The following SLC5A6 variants were observed in gnomAD, a reference collection of about 807,000 sequenced individuals.
SLC5A6 encodes the protein sodium-dependent multivitamin transporter.
In SLC5A6, 31 loss-of-function variants were observed where a neutral mutation model predicts 67.9. The observed-to-expected ratio is 0.46, with a 90% CI of 0.34 to 0.62. The LOEUF (loss-of-function observed/expected upper bound fraction) is 0.62, where lower values mean the gene tolerates loss of function less well. SLC5A6 is among the 20% of genes least tolerant of loss of function. SLC5A6 has a pLI of 0.01. For synonymous variants in SLC5A6, 343 were observed against 331.0 expected, an observed-to-expected ratio of 1.04 and a Z score of -0.39; for missense variants, 673 against 812.8, an observed-to-expected ratio of 0.83 and a Z score of 2.09.
rs1674043101 is a variant in SLC5A6, at chr2:27,206,100, G to C, written c.512-7C>G. The C allele has an allele frequency of 8.1e-6, 13 of 1,614,002 alleles. No individual in the cohort carries two copies. The highest frequency in any genetic ancestry group is 1.1e-5 in the Non-Finnish European group (13 of 1,179,854). ...CACAGATCAAAGCCAGTCACTGTAA[G>C]CATAGAAGCCACATTCTTATCCCTG... On this transcript the variant is annotated splice_polypyrimidine_tract_variant and splice_region_variant and intron_variant, in intron 5 of 16. Transcript: ENST00000310574.
In SLC5A6 at chr2:27,212,251, C is replaced by T. The variant is rs746726954; in HGVS notation, c.-439G>A. 2 of 1,560,748 alleles carry T rather than the reference C, an allele frequency of 1.3e-6. No individual in the cohort carries two copies. The highest frequency in any genetic ancestry group is 4.7e-5 in the East Asian group (2 of 42,672). Reference sequence around the variant, plus strand: ...ACGAGCAGGAAAAGCCCCCAAGCAGCCCCAGGGCGACTGGACCGGGCCGCT... The same window carrying T: ...ACGAGCAGGAAAAGCCCCCAAGCAGTCCCAGGGCGACTGGACCGGGCCGCT... On this transcript the variant is annotated 5_prime_UTR_variant, in exon 1 of 17. Transcript: ENST00000310574.
At chr2:27,212,393 C>T (rs185160026), upstream of SLC5A6, 16 of 1,551,070 alleles carry the variant, frequency 1.0e-5, no homozygotes, top group African/African-American at 1.8e-4. Flanking sequence ...CCCGGGTAGT[C>T]TTACGACCCT....
chr2:27,211,920 G>A (rs1254954363), intron 1 of SLC5A6, 100 bp downstream of exon 1: 7 of 410,472 alleles, frequency 1.7e-5, no homozygotes, highest in Admixed American at 5.1e-5. Flanking sequence ...TCCACACGTG[G>A]GTAGCCAGAG....
rs1558511041 is a variant in SLC5A6, at chr2:27,207,089, C to G, written c.394-147G>C. 1.9e-6 allele frequency: 2 copies of G among 1,033,330 alleles called. No homozygotes were observed. The highest frequency in any genetic ancestry group is 3.0e-6 in the Non-Finnish European group (2 of 667,902). 64.0% of individuals were successfully genotyped at this position (1,033,330 alleles called of 1,614,324 possible). On this transcript the variant is annotated intron_variant, in intron 3 of 16. Transcript: ENST00000310574. This position sits in a 1 kb window ranked among gnomAD's most constrained non-coding sequence, Gnocchi z 5.5. ...CGGCATAGCACCCTCCTCTCCAATC[C>G]TGCCCCTATACCTAACATCACTGAG...
rs151071040 is a variant in SLC5A6, at chr2:27,204,813, G to A, written c.853C>T (p.Arg285Cys). 2.2e-5 allele frequency: 35 copies of A among 1,614,080 alleles called. 1 individual carries two copies. The highest frequency in any genetic ancestry group is 1.3e-4 in the African/African-American group (10 of 75,002). The change falls in exon 8 of 17, where the codon CGC becomes TGC. Residue 285 changes from arginine to cysteine, a missense_variant. Physicochemically the swap from Arg to Cys is radical, Grantham distance 180. Coordinates refer to ENST00000310574, the MANE Select transcript of SLC5A6 (RefSeq NM_021095.4). ...QAQVQRYLSSRTEKAAVLSCY... is the reference protein window; with the variant it reads ...QAQVQRYLSSCTEKAAVLSCY... ...CACAGCACAGCAGCCTTCTCCGTGC[G>A]GGAACTGAGGTACCGCTGCACCTGA...
At chr2:27,206,762 C>A in intron 4 of SLC5A6, 115 bp downstream of exon 4, 1 of 960,508 alleles carries the variant, frequency 1.0e-6, no homozygotes, top group Non-Finnish European at 1.7e-6. Context: ...TAACCTCTAG[C>A]AGGAATTTCA....
Position 27,200,368 on chromosome 2 carries a change from T to G in SLC5A6, c.*68A>C. 2 of 1,504,078 alleles carry G rather than the reference T, an allele frequency of 1.3e-6. No individual in the cohort carries two copies. The highest frequency in any genetic ancestry group is 1.3e-5 in the South Asian group (1 of 77,780). 93.2% of individuals were successfully genotyped at this position (1,504,078 alleles called of 1,614,324 possible). On this transcript the variant is annotated 3_prime_UTR_variant, in exon 17 of 17. Coordinates refer to ENST00000310574, the MANE Select transcript of SLC5A6 (RefSeq NM_021095.4). ...TGCAGAACACACCAAGACTCATCCC[T>G]GTACTACAGGGTGGCCTCTGGCTAT...
At chr2:27,201,506 T>C (rs1220943444) in intron 14 of SLC5A6, 53 bp from the exon 15 acceptor site, 1 of 1,401,146 alleles carries the variant, frequency 7.1e-7, no homozygotes, top group Non-Finnish European at 1.0e-6. Context: ...GGGCATTCCT[T>C]GGGCACCAAT....
Position 27,207,444 on chromosome 2 carries a change from A to C in SLC5A6, c.207T>G (p.Leu69=), listed in dbSNP as rs1674153941. The change falls in exon 3 of 17, where the codon CTT becomes CTG. Residue 69 remains leucine, a synonymous_variant. Transcript: ENST00000310574. The surrounding 1 kb of genome is among the most constrained non-coding windows in gnomAD (Gnocchi z 5.5). Reference sequence around the variant, plus strand: ...TGGCCAGCAGGGACAGTGCCACCGGAAGGCAGCCCATTTTGCGGTCCGCCA... The same window carrying C: ...TGGCCAGCAGGGACAGTGCCACCGGCAGGCAGCCCATTTTGCGGTCCGCCA... ...LLMADRKMGC[L]PVALSLLATF... is the part of the protein sequence containing the mutation. 6.2e-7 allele frequency: 1 copy of C among 1,614,212 alleles called. No individual in the cohort carries two copies. The highest frequency in any genetic ancestry group is 2.2e-5 in the East Asian group (1 of 44,886).
Position 27,204,509 on chromosome 2 carries a change from G to A in SLC5A6, c.957C>T (p.Tyr319=). The A allele has an allele frequency of 6.2e-7, 1 of 1,614,014 alleles. No homozygotes were observed. The highest frequency in any genetic ancestry group is 8.5e-7 in the Non-Finnish European group (1 of 1,179,956). ...GCTGAATGCTCATGGGATACTCCTG[G>A]TAATACGCGAACATGACCAGGCCAA... ...CLIGLVMFAY[Y]QEYPMSIQQA... The change falls in exon 9 of 17, where the codon TAC becomes TAT. Residue 319 remains tyrosine (Y), a synonymous_variant. Coordinates refer to ENST00000310574, the MANE Select transcript of SLC5A6 (RefSeq NM_021095.4).
At chr2:27,210,705 T>A (rs1572402856) in intron 2 of SLC5A6, among the ~76,000 whole-genome samples, 1 of 150,216 alleles carries the variant, frequency 6.7e-6, no homozygotes, top group African/African-American at 2.5e-5. Context: ...GGCGGATCGG[T>A]GGCCTGGCCA....
At chr2:27,208,125 G>A (rs1207895330) in intron 2 of SLC5A6, among the ~76,000 whole-genome samples, 2 of 152,176 alleles carry the variant, frequency 1.3e-5, no homozygotes, top group African/African-American at 2.4e-5. Context: ...TGAAGGCACA[G>A]ACCCAGTCAC....
At position 27,200,199 on chromosome 2, in the gene SLC5A6, C is replaced by T. The variant is rs1172998091; in HGVS notation, c.*237G>A. The T allele has an allele frequency of 2.3e-6, 1 of 444,380 alleles. No homozygotes were observed. Among genetic ancestry groups the T allele is most frequent in the Non-Finnish European group, 4.0e-6 (1 of 250,834 alleles). 27.5% of individuals were successfully genotyped at this position (444,380 alleles called of 1,614,324 possible). On this transcript the variant is annotated 3_prime_UTR_variant, in exon 17 of 17. Coordinates refer to ENST00000310574, the MANE Select transcript of SLC5A6 (RefSeq NM_021095.4). ...ATTTCTGGCATGATCCTGCTCCCTACGAGCCTGATCCTTTAAAAAACAGAT... is the reference window on the plus strand; with the variant it reads ...ATTTCTGGCATGATCCTGCTCCCTATGAGCCTGATCCTTTAAAAAACAGAT...
At chr2:27,212,442 T>G (rs771821798), upstream of SLC5A6, 1 of 1,561,768 alleles carries the variant, frequency 6.4e-7, no homozygotes, top group South Asian at 1.2e-5. Flanking sequence ...GCTCTGGGCG[T>G]GGAAAGGGCT....
chr2:27,200,778 T>C (rs1275519), intron 16 of SLC5A6, among the ~76,000 whole-genome samples, 199 bp from the exon 17 acceptor site: 121,565 of 152,152 alleles, frequency 0.8, 51,567 homozygotes, highest in East Asian at 1. Context: ...TGGCCCAGGC[T>C]GGGGCTGAGC....
chr2:27,201,861 G>A lies in SLC5A6; in HGVS notation c.1363-14C>T. The A allele has an allele frequency of 1.2e-6, 2 of 1,613,220 alleles. No homozygotes were observed. Among genetic ancestry groups the A allele is most frequent in the Middle Eastern group, 1.7e-4 (1 of 6,060 alleles). On this transcript the variant is annotated splice_polypyrimidine_tract_variant and intron_variant, in intron 13 of 16. Transcript: ENST00000310574. ...CACAACAGCACCCTGCCGAGACACAGTGCAGGCCTGTCACAAGGCCAGTCC... is the reference window on the plus strand; with the variant it reads ...CACAACAGCACCCTGCCGAGACACAATGCAGGCCTGTCACAAGGCCAGTCC...
In SLC5A6 at chr2:27,201,092, A is replaced by G; in HGVS notation, c.1670T>C (p.Leu557Pro). Residue 557 changes from leucine to proline, a missense_variant, in exon 16 of 17, where the codon CTG becomes CCG. Physicochemically the swap from Leu to Pro is moderately conservative, Grantham distance 98. Coordinates refer to ENST00000310574, the MANE Select transcript of SLC5A6 (RefSeq NM_021095.4). ...CACTGGGTAAATGGTTGCAGGGTTCAGGGACCGGCCTCGCATTCTCCCTGA... is the reference window on the plus strand; with the variant it reads ...CACTGGGTAAATGGTTGCAGGGTTCGGGGACCGGCCTCGCATTCTCCCTGA... Reference protein sequence around the residue: ...LLTGRMRGRSLNPATIYPVLP... With the variant: ...LLTGRMRGRSPNPATIYPVLP... The G allele has an allele frequency of 6.2e-7, 1 of 1,613,478 alleles. No individual in the cohort carries two copies. The highest frequency in any genetic ancestry group is 8.5e-7 in the Non-Finnish European group (1 of 1,179,582).
chr2:27,208,211 GC>G (rs1674217120), intron 2 of SLC5A6, among the ~76,000 whole-genome samples: 1 of 152,206 alleles, frequency 6.6e-6, no homozygotes, highest in Admixed American at 6.5e-5. Context: ...ACTAATGGCA[GC>G]AGGGCTTCCC....
At chr2:27,205,896 C>T in intron 6 of SLC5A6, 130 bp downstream of exon 6, 1 of 729,118 alleles carries the variant, frequency 1.4e-6, no homozygotes, top group East Asian at 2.7e-5. Flanking sequence ...TATCATAAAT[C>T]TTACCACCCC....
Sources: allele counts gnomAD v4.1 joint callset (sites outside exome capture counted in the v4.1 genomes callset), GRCh38; gene constraint gnomAD v4.1.1; non-coding constraint Gnocchi (gnomAD v3.1); transcripts MANE v1.5; gene names NCBI Gene and HGNC (gene_info 2026-07-23, HGNC 2026-07-21).